LIMS1: variants seen among roughly 807,000 people sequenced by gnomAD.
LIMS1 encodes the protein LIM and senescent cell antigen-like-containing domain protein 1.
In LIMS1, 18 loss-of-function variants were observed where a neutral mutation model predicts 44.1. The observed-to-expected ratio is 0.41, with a 90% CI of 0.28 to 0.61. LIMS1 has a LOEUF of 0.61. LIMS1 is among the 20% of genes least tolerant of loss of function. The pLI is 0.32. For synonymous variants in LIMS1, 93 were observed against 149.1 expected, an observed-to-expected ratio of 0.62 and a Z score of 2.74; for missense variants, 201 against 422.0, an observed-to-expected ratio of 0.48 and a Z score of 4.59.
At chr2:108,649,214 A>C (rs1458695069) in intron 1 of LIMS1, among the ~76,000 whole-genome samples, 1 of 152,260 alleles carries the variant, frequency 6.6e-6, no homozygotes, top group East Asian at 1.9e-4. Flanking sequence ...CAGCCAACAG[A>C]CATGAAAAAC....
intron 2 of LIMS1, among the ~76,000 whole-genome samples, chr2:108,663,778 G>C (rs1377207656): frequency 6.0e-5 from 9 of 150,932 alleles, no homozygotes; most frequent in Non-Finnish European, 1.2e-4. Flanking sequence ...TTTTGAGACA[G>C]AGTTTCACTC....
At chr2:108,604,534 C>G in intron 1 of LIMS1, among the ~76,000 whole-genome samples, 1 of 152,156 alleles carries the variant, frequency 6.6e-6, no homozygotes, top group East Asian at 1.9e-4. Flanking sequence ...GATCTTTTAT[C>G]CTTAGCCTCT....
At chr2:108,611,115 C>T (rs983454085) in intron 1 of LIMS1, among the ~76,000 whole-genome samples, 12 of 152,168 alleles carry the variant, frequency 7.9e-5, no homozygotes, top group African/African-American at 2.4e-4. Flanking sequence ...GGCAGTACAC[C>T]GTTATGGTTT....
intron 1 of LIMS1, among the ~76,000 whole-genome samples, chr2:108,633,752 G>A (rs1689061644): frequency 6.6e-6 from 1 of 152,228 alleles, no homozygotes; most frequent in African/African-American, 2.4e-5. Context: ...TGGCGACAGT[G>A]CTGTTTATAA....
intron 1 of LIMS1, among the ~76,000 whole-genome samples, chr2:108,612,072 A>G (rs1218253350): frequency 6.8e-6 from 1 of 147,860 alleles, no homozygotes; most frequent in African/African-American, 2.5e-5. Context: ...ATATATATAC[A>G]TATATATATG....
At chr2:108,607,993 CT>C in intron 1 of LIMS1, among the ~76,000 whole-genome samples, 1 of 152,218 alleles carries the variant, frequency 6.6e-6, no homozygotes, top group South Asian at 2.1e-4. Flanking sequence ...TTCATCTTTC[CT>C]TCTTTTAAAA....
At chr2:108,653,724 A>G (rs1160711696) in intron 1 of LIMS1, among the ~76,000 whole-genome samples, 3 of 148,772 alleles carry the variant, frequency 2.0e-5, no homozygotes, top group South Asian at 2.2e-4. Context: ...GGTCCTGACA[A>G]CATGCGCCCC....
At chr2:108,656,313 C>A (rs201989253) in intron 1 of LIMS1, among the ~76,000 whole-genome samples, 24 of 77,228 alleles carry the variant, frequency 3.1e-4, no homozygotes, top group African/African-American at 6.5e-4. Context: ...ATCTATCTAT[C>A]TATCTATAGA....
chr2:108,678,373 G>C (rs2433841), intron 8 of LIMS1: 24 of 361,856 alleles, frequency 6.6e-5, no homozygotes, highest in African/African-American at 1.5e-4. Flanking sequence ...TCGTAGTTAG[G>C]AAGAGGCACT....
chr2:108,662,117 C>CT, intron 2 of LIMS1: 1 of 1,600,154 alleles, frequency 6.2e-7, no homozygotes, highest in Non-Finnish European at 8.5e-7. Context: ...AAAAGACAGG[C>CT]TTTGTTTTTC....
At chr2:108,606,493 C>A (rs960857089) in intron 1 of LIMS1, among the ~76,000 whole-genome samples, 5 of 152,186 alleles carry the variant, frequency 3.3e-5, no homozygotes, top group Non-Finnish European at 4.4e-5. Context: ...AAGAAAAAAT[C>A]ACAATTTGTA....
chr2:108,551,513 A>T (rs1371485152), intron 1 of LIMS1, among the ~76,000 whole-genome samples: 2 of 145,564 alleles, frequency 1.4e-5, no homozygotes, highest in Non-Finnish European at 3.0e-5. Flanking sequence ...ACACACACAC[A>T]CACACACACA....
At chr2:108,656,740 A>G (rs1690888513) in intron 1 of LIMS1, among the ~76,000 whole-genome samples, 1 of 141,614 alleles carries the variant, frequency 7.1e-6, no homozygotes, top group Non-Finnish European at 1.5e-5. Flanking sequence ...TTTATGATGT[A>G]TCTACCTATT....
chr2:108,614,544 A>C (rs1158218289), intron 1 of LIMS1, among the ~76,000 whole-genome samples: 1 of 152,240 alleles, frequency 6.6e-6, no homozygotes, highest in Admixed American at 6.5e-5. Flanking sequence ...ACTCTGGCAT[A>C]GTAACACTAC....
At chr2:108,644,014 C>T (rs904667493) in intron 1 of LIMS1, among the ~76,000 whole-genome samples, 3 of 152,176 alleles carry the variant, frequency 2.0e-5, no homozygotes, top group Middle Eastern at 3.2e-3. Context: ...GGCAGCAACC[C>T]CAGTCAGGGA....
intron 1 of LIMS1, among the ~76,000 whole-genome samples, chr2:108,598,149 C>G (rs1333145383): frequency 1.3e-5 from 2 of 151,628 alleles, no homozygotes; most frequent in Admixed American, 1.3e-4. Flanking sequence ...GAACTTTACC[C>G]CTCATCCCTA....
intron 1 of LIMS1, among the ~76,000 whole-genome samples, chr2:108,557,635 G>A (rs1267819525): frequency 6.6e-6 from 1 of 151,856 alleles, no homozygotes; most frequent in Non-Finnish European, 1.5e-5. Flanking sequence ...TCCTGCCTCA[G>A]CCTCCCTAGT....
At chr2:108,595,693 G>T (rs763332088) in intron 1 of LIMS1, among the ~76,000 whole-genome samples, 3 of 152,078 alleles carry the variant, frequency 2.0e-5, no homozygotes, top group Non-Finnish European at 2.9e-5. Context: ...TCCTGTTCTT[G>T]GCTCTCAACT....
intron 1 of LIMS1, among the ~76,000 whole-genome samples, chr2:108,608,358 T>G (rs1025607701): frequency 9.3e-5 from 14 of 150,774 alleles, no homozygotes; most frequent in African/African-American, 3.4e-4. Flanking sequence ...CAGGCTGGAG[T>G]GCAATGGCGT....
Sources: gnomAD v4.1 joint callset for allele counts (sites outside exome capture counted in the v4.1 genomes callset) on GRCh38, gnomAD v4.1.1 for gene constraint, MANE v1.5 for transcripts, NCBI Gene and HGNC (gene_info 2026-07-23, HGNC 2026-07-21) for gene names.